The following NCAPD3 variants were observed in gnomAD, a reference collection of about 807,000 sequenced individuals.
The protein encoded by NCAPD3 is condensin-2 complex subunit D3.
NCAPD3 carries 105 observed loss-of-function variants against 182.9 expected under a neutral mutation model. That is an observed-to-expected ratio of 0.57 (90% confidence interval 0.49 to 0.68). The LOEUF (loss-of-function observed/expected upper bound fraction) is 0.68. NCAPD3 is among the 30% of genes least tolerant of loss of function. The pLI, the probability that NCAPD3 is intolerant of heterozygous loss-of-function variation, is 0.00. For synonymous variants in NCAPD3, 815 were observed against 679.9 expected (o/e 1.20, Z -3.09); for missense variants, 1,944 against 1,837.0 (o/e 1.06, Z -1.07).
chr11:134,158,832 C>T (rs1314781074), intron 29 of NCAPD3, among the ~76,000 whole-genome samples: 1 of 152,210 alleles, frequency 6.6e-6, no homozygotes, highest in African/African-American at 2.4e-5. Flanking sequence ...TTCTCCCACC[C>T]CTTCCCAGCC....
rs1453246915 is a variant in NCAPD3, at chr11:134,151,881, CAGG to C, written c.*1060_*1062del. On this transcript the variant is annotated 3_prime_UTR_variant, in exon 35 of 35. Coordinates refer to ENST00000534548, the MANE Select transcript of NCAPD3 (RefSeq NM_015261.3). Reference sequence around the variant, plus strand: ...ATCCACCAGGGAAGTCAGTGCTGGGCAGGAGGTCAGCCTGTGTGCTCAAGAGCA... The same window carrying C: ...ATCCACCAGGGAAGTCAGTGCTGGGCAGGTCAGCCTGTGTGCTCAAGAGCA... 6.6e-6 allele frequency: 1 copy of C among 152,208 alleles called. No homozygotes were observed. The highest frequency in any genetic ancestry group is 1.5e-5 in the Non-Finnish European group (1 of 68,056). The allele number at this position is 152,208 out of a possible 1,614,324, so 9.4% of individuals were successfully genotyped here.
Position 134,188,598 on chromosome 11 carries a change from C to T in NCAPD3, c.2046-3072G>A, listed in dbSNP as rs1273088911. ...CAAACCCACCAGGAGGAACAAACAA[C>T]TCCGGATGTGCCACCTTTAAGAGCT... On this transcript the variant is annotated intron_variant, in intron 16 of 34. Coordinates refer to ENST00000534548, the MANE Select transcript of NCAPD3 (RefSeq NM_015261.3). Among the ~76,000 whole-genome samples the T allele has an allele frequency of 2.0e-5, 3 of 152,180 alleles. No homozygotes were observed. The East Asian group carries it at 5.8e-4, about 29-fold the overall frequency.
chr11:134,190,590 G>A (rs1047226575), intron 16 of NCAPD3, among the ~76,000 whole-genome samples: 13 of 152,102 alleles, frequency 8.5e-5, no homozygotes, highest in African/African-American at 1.4e-4. Flanking sequence ...GGGCTGAAGC[G>A]ATCATCCCAC....
chr11:134,163,631 G>A (rs1290871704), intron 27 of NCAPD3, among the ~76,000 whole-genome samples: 3 of 149,502 alleles, frequency 2.0e-5, no homozygotes, highest in African/African-American at 7.4e-5. Context: ...ACCCAGGGGG[G>A]CAGAGCTTGC....
At chr11:134,181,295 G>A (rs768939771) in intron 19 of NCAPD3, 111 bp from the exon 20 acceptor site, 7 of 684,476 alleles carry the variant, frequency 1.0e-5, no homozygotes, top group Non-Finnish European at 1.5e-5. Flanking sequence ...AGGCTGTAGG[G>A]GTGCTTCCTA....
rs1264580151 is a variant in NCAPD3 at position 134,208,797 on chromosome 11, T to C, written c.882+67A>G. The C allele has an allele frequency of 2.9e-6, 3 of 1,044,448 alleles. No homozygotes were observed. In the African/African-American group the frequency reaches 4.8e-5, roughly 17 times the overall value. The allele number at this position is 1,044,448 out of a possible 1,614,324, so 64.7% of individuals were successfully genotyped here. A position where few individuals can be genotyped will look rare whatever the true frequency, so the allele number is the denominator to read the frequency against. On this transcript the variant is annotated intron_variant, in intron 7 of 34. Coordinates refer to ENST00000534548, the MANE Select transcript of NCAPD3 (RefSeq NM_015261.3). Reference sequence around the variant, plus strand: ...CATTATATCAAATGCTTTTAACATATTTCCATCATATGGTTCATGTGCCTT... The same window carrying C: ...CATTATATCAAATGCTTTTAACATACTTCCATCATATGGTTCATGTGCCTT...
intron 8 of NCAPD3, 34 bp from the exon 9 acceptor site, chr11:134,205,005 A>T (rs763572430): frequency 6.5e-7 from 1 of 1,547,508 alleles, no homozygotes; most frequent in South Asian, 1.1e-5. Flanking sequence ...ACTGTTCACA[A>T]TACAGTCAGC....
Position 134,192,706 on chromosome 11 carries a change from G to A in NCAPD3, c.2028C>T (p.Thr676=), listed in dbSNP as rs745913322. The A allele has an allele frequency of 8.7e-6, 14 of 1,613,922 alleles. No individual in the cohort carries two copies. The highest frequency in any genetic ancestry group is 2.2e-5 in the East Asian group (1 of 44,898). ...TAACCTACCTCAGTTCCTGGCTTTCGGTGGTGAGGAGAGTAAGAAGCGCCC... is the reference window on the plus strand; with the variant it reads ...TAACCTACCTCAGTTCCTGGCTTTCAGTGGTGAGGAGAGTAAGAAGCGCCC... ...LAWALLTLLT[T]ESQELSRYLN... is the part of the protein sequence containing the mutation. Residue 676 remains threonine (T), a synonymous_variant, in exon 16 of 35, where the codon ACC becomes ACT. Coordinates refer to ENST00000534548, the MANE Select transcript of NCAPD3 (RefSeq NM_015261.3).
rs557743500 is a variant in NCAPD3, at chr11:134,177,811, C to T, written c.2783-354G>A. The T allele has an allele frequency of 2.2e-4, 46 of 211,566 alleles. 1 individual carries two copies. The highest frequency in any genetic ancestry group is 1.9e-3 in the Middle Eastern group (1 of 532). The allele number at this position is 211,566 out of a possible 1,614,324, so 13.1% of individuals were successfully genotyped here. A position where few individuals can be genotyped will look rare whatever the true frequency, so the allele number is the denominator to read the frequency against. On this transcript the variant is annotated intron_variant, in intron 22 of 34. Coordinates refer to ENST00000534548, the MANE Select transcript of NCAPD3 (RefSeq NM_015261.3). ...ACATTTTACTCCTGATTATACATATCCTCTACAGATGCTAAATACCCATGC... is the reference window on the plus strand; with the variant it reads ...ACATTTTACTCCTGATTATACATATTCTCTACAGATGCTAAATACCCATGC...
chr11:134,214,057 T>A (rs866384239), intron 3 of NCAPD3, among the ~76,000 whole-genome samples: 1 of 151,966 alleles, frequency 6.6e-6, no homozygotes, highest in Middle Eastern at 3.4e-3. Context: ...GAATAACATT[T>A]GTAACCAACT....
chr11:134,160,215 A>C (rs917096104), intron 28 of NCAPD3, 141 bp from the exon 29 acceptor site: 11 of 788,014 alleles, frequency 1.4e-5, no homozygotes, highest in East Asian at 8.1e-5. Context: ...AAAGTTAAGA[A>C]AGAAAAAAGC....
At chr11:134,190,167 A>G (rs1380096100) in intron 16 of NCAPD3, among the ~76,000 whole-genome samples, 1 of 151,998 alleles carries the variant, frequency 6.6e-6, no homozygotes, top group African/African-American at 2.4e-5. Context: ...CTTCTGTTCT[A>G]CTGGCTCAGA....
At chr11:134,192,578 A>G (rs1944545464) in intron 16 of NCAPD3, 111 bp downstream of exon 16, 5 of 876,608 alleles carry the variant, frequency 5.7e-6, no homozygotes, top group Non-Finnish European at 8.8e-6. Flanking sequence ...ATCTTCACAT[A>G]CACTAAGTAA....
rs1463540040 is a variant in NCAPD3, at chr11:134,153,143, T to A, written c.4385A>T (p.Lys1462Ile). ...AAAGGAACACTGCTAAACTTACGGT[T>A]TATCAGGCAGTGATAAACATAAGAT... ...NDILCLSLPD[K>I]PPPQPQQWNV... The change falls in exon 34 of 35, where the codon AAA (lysine) becomes ATA (isoleucine). Residue 1462 changes from lysine (K) to isoleucine (I), a missense_variant. Lys to Ile is a moderately radical substitution (Grantham distance 102). Transcript: ENST00000534548. 6.2e-7 allele frequency: 1 copy of A among 1,613,992 alleles called. No individual in the cohort carries two copies. Among genetic ancestry groups the A allele is most frequent in the South Asian group, 1.1e-5 (1 of 91,070 alleles).
chr11:134,201,959 T>A (rs1364568821), intron 13 of NCAPD3, among the ~76,000 whole-genome samples: 2 of 152,210 alleles, frequency 1.3e-5, no homozygotes, highest in Non-Finnish European at 2.9e-5. Context: ...CTCAGGGCGC[T>A]TTCTGTGCAT....
intron 2 of NCAPD3, among the ~76,000 whole-genome samples, chr11:134,217,925 C>A (rs1938085614): frequency 6.6e-6 from 1 of 152,040 alleles, no homozygotes; most frequent in Admixed American, 6.5e-5. Flanking sequence ...AAAGCAAGAC[C>A]TTGTCTCCAC....
At chr11:134,218,807 C>T (rs1938120957) in intron 2 of NCAPD3, among the ~76,000 whole-genome samples, 2 of 152,138 alleles carry the variant, frequency 1.3e-5, no homozygotes, top group South Asian at 4.1e-4. Context: ...CATTATTACT[C>T]ATAACACCTG....
At chr11:134,218,195 G>C (rs569472820) in intron 2 of NCAPD3, among the ~76,000 whole-genome samples, 16 of 149,944 alleles carry the variant, frequency 1.1e-4, no homozygotes, top group African/African-American at 3.7e-4. Flanking sequence ...CTTCACACAC[G>C]AGGGTGATCG....
chr11:134,174,852 T>C (rs992005794), intron 24 of NCAPD3, among the ~76,000 whole-genome samples: 4 of 152,182 alleles, frequency 2.6e-5, no homozygotes, highest in African/African-American at 7.2e-5. Flanking sequence ...CCCATAAATA[T>C]GTATAATTAT....
Sources: gnomAD v4.1 joint callset for allele counts (sites outside exome capture counted in the v4.1 genomes callset) on GRCh38, gnomAD v4.1.1 for gene constraint, MANE v1.5 for transcripts, NCBI Gene and HGNC (gene_info 2026-07-23, HGNC 2026-07-21) for gene names.